The following TMEM255B variants were observed in gnomAD, a reference collection of about 807,000 sequenced individuals.
TMEM255B encodes the protein family with sequence similarity 70, member B.
TMEM255B carries 35 observed loss-of-function variants against 34.5 expected under a neutral mutation model. That is an observed-to-expected ratio of 1.01 (90% CI 0.77 to 1.34). The LOEUF (loss-of-function observed/expected upper bound fraction) is 1.34, where lower values mean the gene tolerates loss of function less well. Ranked by LOEUF, TMEM255B falls within the 40% of genes most tolerant of loss-of-function variation. TMEM255B has a pLI of 0.00. For missense variants in TMEM255B, 432 were observed against 433.2 expected (o/e 1.00, Z 0.02); for synonymous variants, 206 against 201.2 (o/e 1.02, Z -0.20).
At position 113,807,852 on chromosome 13, in the gene TMEM255B, G is replaced by A. The variant is rs1033130652; in HGVS notation, c.813+2824G>A. 4.9e-4 allele frequency among the ~76,000 whole-genome samples: 70 copies of A among 142,964 alleles called. 3 individuals carry two copies. The highest frequency in any genetic ancestry group is 2.8e-3 in the Admixed American group (39 of 13,906). 93.8% of individuals were successfully genotyped at this position (142,964 alleles called of 152,430 possible). A position where few individuals can be genotyped will look rare whatever the true frequency, so the allele number is the denominator to read the frequency against. ...GGGGGTGGTCCTCCCCGTCACACGCGGGCTTACGGGACGTGGGGGGCACAG... is the reference window on the plus strand; with the variant it reads ...GGGGGTGGTCCTCCCCGTCACACGCAGGCTTACGGGACGTGGGGGGCACAG... On this transcript the variant is annotated intron_variant, in intron 8 of 8. Coordinates refer to ENST00000375353, the MANE Select transcript of TMEM255B (RefSeq NM_182614.4).
chr13:113,783,334 T>A (rs1209300034), intron 3 of TMEM255B, among the ~76,000 whole-genome samples: 1 of 152,234 alleles, frequency 6.6e-6, no homozygotes, highest in Admixed American at 6.5e-5. Flanking sequence ...TCTGGATCTC[T>A]ACGGGGCCTG....
intron 5 of TMEM255B, chr13:113,800,139 A>T (rs1228002675): frequency 2.3e-5 from 21 of 896,740 alleles, no homozygotes; most frequent in African/African-American, 5.8e-5. Context: ...TTTAGGGGGG[A>T]GGTGTCCTGT....
chr13:113,766,002 G>A, intron 1 of TMEM255B, 113 bp from the exon 2 acceptor site: 2 of 1,418,588 alleles, frequency 1.4e-6, no homozygotes, highest in South Asian at 1.3e-5. Context: ...GAGGCAGGCG[G>A]GGATAGTGCA....
rs370588633 is a variant in TMEM255B at position 113,769,714 on chromosome 13, C to T, written c.252+554C>T. ...TTCGTGGCTGTATGCGCGGCAACAG[C>T]GATCAGGTTCAGCTGGAAGTCTGTT... On this transcript the variant is annotated intron_variant, in intron 3 of 8. Coordinates refer to ENST00000375353, the MANE Select transcript of TMEM255B (RefSeq NM_182614.4). This position sits in a 1 kb window ranked among gnomAD's most constrained non-coding sequence, Gnocchi z 4.2. The T allele has an allele frequency of 7.3e-4, 114 of 155,916 alleles. No homozygotes were observed. The highest frequency in any genetic ancestry group is 2.4e-3 in the African/African-American group (98 of 41,472). The allele number at this position is 155,916 out of a possible 1,614,324, so 9.7% of individuals were successfully genotyped here.
Position 113,797,313 on chromosome 13 carries a change from C to T in TMEM255B, c.343-2026C>T, listed in dbSNP as rs556814131. Among the ~76,000 whole-genome samples the T allele has an allele frequency of 1.1e-4, 16 of 152,372 alleles. No homozygotes were observed. In the South Asian group the frequency reaches 3.1e-3, roughly 30 times the overall value. ...TCAGATGCCATCGAGGAAAATGTGG[C>T]ACTGCCTCGTGTGCTGCTGAGGAAG... On this transcript the variant is annotated intron_variant, in intron 4 of 8. Coordinates refer to ENST00000375353, the MANE Select transcript of TMEM255B (RefSeq NM_182614.4).
chr13:113,775,249 G>C (rs182588257), intron 3 of TMEM255B, among the ~76,000 whole-genome samples: 6 of 152,130 alleles, frequency 3.9e-5, no homozygotes, highest in Non-Finnish European at 5.9e-5. Context: ...ACCACACACA[G>C]AAGTCTTTGG....
chr13:113,799,530 C>T, intron 5 of TMEM255B, 111 bp downstream of exon 5: 1 of 1,006,208 alleles, frequency 9.9e-7, no homozygotes, highest in Non-Finnish European at 1.5e-6. Flanking sequence ...CTAATAGTTC[C>T]TGGGGGTCAC....
chr13:113,766,583 C>T, intron 2 of TMEM255B: 1 of 407,102 alleles, frequency 2.5e-6, no homozygotes, highest in Non-Finnish European at 4.6e-6. Flanking sequence ...AGCCCGGCAA[C>T]AGGAAATGTC....
Position 113,799,429 on chromosome 13 carries a change from A to G in TMEM255B, c.423+10A>G. 6.2e-7 allele frequency: 1 copy of G among 1,612,744 alleles called. No individual in the cohort carries two copies. The highest frequency in any genetic ancestry group is 8.5e-7 in the Non-Finnish European group (1 of 1,178,808). ...TGTCTACCAGACAGAGGTGAGCAGG[A>G]GCACTGAGATTCATGTGGGTTTTGC... is the stretch of plus-strand genomic sequence containing the variant. On this transcript the variant is annotated intron_variant, in intron 5 of 8. Coordinates refer to ENST00000375353, the MANE Select transcript of TMEM255B (RefSeq NM_182614.4).
At chr13:113,796,900 A>G (rs1594154141) in intron 4 of TMEM255B, among the ~76,000 whole-genome samples, 1 of 151,008 alleles carries the variant, frequency 6.6e-6, no homozygotes, top group East Asian at 2.0e-4. Flanking sequence ...ACATTCACAA[A>G]ACACACGTGC....
At chr13:113,778,698 AATG>A (rs1245923854) in intron 3 of TMEM255B, among the ~76,000 whole-genome samples, 1 of 151,738 alleles carries the variant, frequency 6.6e-6, no homozygotes, top group Non-Finnish European at 1.5e-5. Context: ...CACCTGCTGT[AATG>A]ATATGACGAT....
chr13:113,783,397 G>A (rs1594135485), intron 3 of TMEM255B, among the ~76,000 whole-genome samples: 2 of 152,158 alleles, frequency 1.3e-5, no homozygotes, highest in African/African-American at 2.4e-5. Flanking sequence ...GTTTATCTGC[G>A]TCGGCCTCAG....
At chr13:113,788,567 C>T (rs957599823) in intron 3 of TMEM255B, among the ~76,000 whole-genome samples, 4 of 152,042 alleles carry the variant, frequency 2.6e-5, no homozygotes, top group Non-Finnish European at 5.9e-5. Flanking sequence ...CATCCTAGTG[C>T]TGGATTTATG....
intron 3 of TMEM255B, among the ~76,000 whole-genome samples, chr13:113,778,399 G>C (rs914215714): frequency 1.3e-5 from 2 of 152,106 alleles, no homozygotes; most frequent in African/African-American, 4.8e-5. Context: ...GGTGAGTCCC[G>C]ATTTCACCTG....
intron 8 of TMEM255B, among the ~76,000 whole-genome samples, chr13:113,811,450 G>A (rs2138590733): frequency 8.0e-6 from 1 of 125,416 alleles, no homozygotes; most frequent in Middle Eastern, 4.0e-3. Context: ...GTGGCCCTGG[G>A]TCTGTGGGAG....
intron 3 of TMEM255B, among the ~76,000 whole-genome samples, chr13:113,792,484 TTC>T (rs1219046823): frequency 1.3e-5 from 2 of 152,208 alleles, no homozygotes; most frequent in African/African-American, 4.8e-5. Context: ...CTTGAGGAAA[TTC>T]TGTTTATTCT....
At chr13:113,768,313 C>G (rs1164138470) in intron 2 of TMEM255B, 1 of 452,630 alleles carries the variant, frequency 2.2e-6, no homozygotes, top group African/African-American at 2.0e-5. Flanking sequence ...TTAAAAATTC[C>G]TCTGCCAGGT....
chr13:113,808,588 C>G (rs2051229906), intron 8 of TMEM255B, among the ~76,000 whole-genome samples: 1 of 148,516 alleles, frequency 6.7e-6, no homozygotes. Context: ...CTCCGTGGTT[C>G]CTGGGAGTTT....
rs2051354699 is a variant in TMEM255B, at chr13:113,812,982, TCCCGGGTGGGTCAC to T, written c.*1080_*1093del. ...TCACGGGCCCCGGGTGGGTCACGGGTCCCGGGTGGGTCACGGGTCCCGAGTGGGTCACGGGTCCC... is the reference window on the plus strand; with the variant it reads ...TCACGGGCCCCGGGTGGGTCACGGGTGGGTCCCGAGTGGGTCACGGGTCCC... On this transcript the variant is annotated 3_prime_UTR_variant, in exon 9 of 9. Transcript: ENST00000375353. 1 of 110,700 alleles carries T rather than the reference TCCCGGGTGGGTCAC, an allele frequency of 9.0e-6. No individual in the cohort carries two copies. The highest frequency in any genetic ancestry group is 1.8e-5 in the Non-Finnish European group (1 of 55,488). The allele number at this position is 110,700 out of a possible 1,614,324, so 6.9% of individuals were successfully genotyped here.
Sources: gnomAD v4.1 joint callset for allele counts (sites outside exome capture counted in the v4.1 genomes callset) on GRCh38, gnomAD v4.1.1 for gene constraint, Gnocchi (gnomAD v3.1) non-coding constraint, MANE v1.5 for transcripts, NCBI Gene and HGNC (gene_info 2026-07-23, HGNC 2026-07-21) for gene names.